MCM9: variants seen among roughly 807,000 people sequenced by gnomAD.
MCM9 encodes the protein minichromosome maintenance 9 homologous recombination repair factor, also known as DNA helicase MCM9.
A neutral mutation model predicts 72.8 loss-of-function variants in MCM9; 55 were observed. The ratio of observed to expected loss-of-function variants is 0.76; its 90% CI spans 0.61 to 0.95. The LOEUF is 0.95. Ranked by LOEUF, MCM9 falls within the 40% of genes least tolerant of loss-of-function variation. The pLI, the probability that MCM9 is intolerant of heterozygous loss-of-function variation, is 0.00. For synonymous variants in MCM9, 480 were observed against 503.4 expected (o/e 0.95, Z 0.62); for missense variants, 1,279 against 1,377.0 (o/e 0.93, Z 1.13).
At chr6:118,824,251 G>A (rs1184865802) in intron 13 of MCM9, among the ~76,000 whole-genome samples, 2 of 151,828 alleles carry the variant, frequency 1.3e-5, no homozygotes, top group Non-Finnish European at 2.9e-5. Flanking sequence ...ATCAAATTGA[G>A]GTCAGGGATA....
intron 8 of MCM9, among the ~76,000 whole-genome samples, chr6:118,865,910 G>C (rs1216013011): frequency 6.6e-6 from 1 of 152,154 alleles, no homozygotes; most frequent in East Asian, 1.9e-4. Flanking sequence ...CAGGATCTGA[G>C]GGCACAGCCT....
chr6:118,841,414 G>A (rs1384669605), intron 9 of MCM9, among the ~76,000 whole-genome samples: 9 of 152,144 alleles, frequency 5.9e-5, no homozygotes, highest in Non-Finnish European at 1.2e-4. Flanking sequence ...AGACTGTGAA[G>A]ACTACCACCA....
chr6:118,828,073 C>A lies in MCM9; in HGVS notation c.1586G>T (p.Cys529Phe). 6.4e-7 allele frequency: 1 copy of A among 1,550,618 alleles called. No individual in the cohort carries two copies. Among genetic ancestry groups the A allele is most frequent in the Non-Finnish European group, 8.7e-7 (1 of 1,147,012 alleles). Reference protein sequence around the residue: ...WSMEKMKTYFCLIRNLQPTLS... With the variant: ...WSMEKMKTYFFLIRNLQPTLS... ...TGTGGGCTGCAGATTCCTTATGAGG[C>A]AGAAATAGGTTTTCATCTTTTCCAT... The change falls in exon 11 of 14, where the codon TGC (cysteine) becomes TTC (phenylalanine). Residue 529 changes from cysteine to phenylalanine, a missense_variant. Coordinates refer to ENST00000619706, the MANE Select transcript of MCM9 (RefSeq NM_017696.3).
chr6:118,919,008 C>A (rs960116099), intron 5 of MCM9: 1 of 152,170 alleles, frequency 6.6e-6, no homozygotes, highest in African/African-American at 2.4e-5. Context: ...TAAGCCACTA[C>A]TTAATGATTT....
At chr6:118,904,386 C>A (rs1780020759) in intron 8 of MCM9, among the ~76,000 whole-genome samples, 1 of 152,190 alleles carries the variant, frequency 6.6e-6, no homozygotes, top group African/African-American at 2.4e-5. Context: ...AAGGCATTGG[C>A]TAAAGTGCTC....
chr6:118,919,526 G>A (rs1442485741), intron 5 of MCM9: 1 of 152,110 alleles, frequency 6.6e-6, no homozygotes, highest in African/African-American at 2.4e-5. Flanking sequence ...CCTTACATTT[G>A]TAAAGTAATT....
intron 8 of MCM9, among the ~76,000 whole-genome samples, chr6:118,868,597 CG>C (rs1777375798): frequency 6.6e-6 from 1 of 151,954 alleles, no homozygotes; most frequent in Admixed American, 6.6e-5. Context: ...CATCAAAAAG[CG>C]GGCAAAGGAT....
chr6:118,924,483 A>G (rs1195365698), intron 3 of MCM9, among the ~76,000 whole-genome samples: 1 of 152,234 alleles, frequency 6.6e-6, no homozygotes, highest in African/African-American at 2.4e-5. Flanking sequence ...ATTTAACAAA[A>G]AATATATTGC....
intron 8 of MCM9, among the ~76,000 whole-genome samples, chr6:118,888,276 G>A (rs1490579830): frequency 1.3e-5 from 2 of 152,118 alleles, no homozygotes; most frequent in Non-Finnish European, 2.9e-5. Context: ...CACAAGGTCA[G>A]TAGATCGAGA....
chr6:118,910,964 G>GA, intron 8 of MCM9: 1 of 985,358 alleles, frequency 1.0e-6, no homozygotes, highest in Non-Finnish European at 1.2e-6. Context: ...TAAAATGTGT[G>GA]AAGCCAAGGG....
rs531877103 is a variant in MCM9, at chr6:118,903,059, T to C, written c.1150+8591A>G. On this transcript the variant is annotated intron_variant, in intron 8 of 13. Transcript: ENST00000619706. ...TCTACTTAAATTTGCTCAAACTGAA[T>C]CTTTTTCAAATTGTAAAATGCTTTT... Among the ~76,000 whole-genome samples, 574 of 152,336 alleles carry C rather than the reference T, an allele frequency of 3.8e-3. 27 individuals are homozygous for C. In the South Asian group the frequency reaches 0.1, roughly 27 times the overall value.
chr6:118,879,348 G>C (rs1386013769), intron 8 of MCM9, among the ~76,000 whole-genome samples: 2 of 151,526 alleles, frequency 1.3e-5, no homozygotes, highest in African/African-American at 4.8e-5. Context: ...GATGGAGAAA[G>C]ATATTTTGTT....
intron 8 of MCM9, among the ~76,000 whole-genome samples, chr6:118,869,848 G>T (rs1777485628): frequency 6.6e-6 from 1 of 152,006 alleles, no homozygotes; most frequent in Non-Finnish European, 1.5e-5. Flanking sequence ...GTCTAGGGTA[G>T]CTACATTTAT....
chr6:118,828,427 C>G (rs191631292), intron 10 of MCM9, among the ~76,000 whole-genome samples: 42 of 151,950 alleles, frequency 2.8e-4, no homozygotes, highest in Non-Finnish European at 4.6e-4. Flanking sequence ...ACTCTGTCAC[C>G]CAGGCTGGAG....
At chr6:118,918,644 C>T in intron 5 of MCM9, 1 of 152,186 alleles carries the variant, frequency 6.6e-6, no homozygotes, top group African/African-American at 2.4e-5. Context: ...AATCATAATC[C>T]TGGTCCCCCC....
At chr6:118,917,955 T>C in intron 5 of MCM9, 194 bp from the exon 6 acceptor site, 2 of 575,542 alleles carry the variant, frequency 3.5e-6, no homozygotes, top group East Asian at 5.6e-5. Flanking sequence ...CAGTCATGTA[T>C]CTGTAAAGTG....
chr6:118,818,638 A>G (rs1447657387), intron 13 of MCM9, among the ~76,000 whole-genome samples: 1 of 152,158 alleles, frequency 6.6e-6, no homozygotes, highest in African/African-American at 2.4e-5. Flanking sequence ...TATGAAATTT[A>G]AAGTAGTTTT....
At chr6:118,827,392 C>T (rs1315341993) in intron 11 of MCM9, among the ~76,000 whole-genome samples, 1 of 151,884 alleles carries the variant, frequency 6.6e-6, no homozygotes, top group African/African-American at 2.4e-5. Flanking sequence ...CATGTGAATT[C>T]TTTTTTTAGA....
At chr6:118,894,533 C>T (rs777431482) in intron 8 of MCM9, 1 of 1,531,054 alleles carries the variant, frequency 6.5e-7, no homozygotes, top group South Asian at 1.2e-5. Flanking sequence ...GTGAGTGCGG[C>T]GCCCGTGCGC....
Sources: allele counts gnomAD v4.1 joint callset (sites outside exome capture counted in the v4.1 genomes callset), GRCh38; gene constraint gnomAD v4.1.1; transcripts MANE v1.5; gene names NCBI Gene and HGNC (gene_info 2026-07-23, HGNC 2026-07-21).